The following GSK3B variants were observed in gnomAD, a reference collection of about 807,000 sequenced individuals.
GSK3B encodes the protein glycogen synthase kinase 3 beta.
Under a neutral mutation model 56.4 loss-of-function variants are expected in GSK3B, and 15 were observed. That is an observed-to-expected ratio of 0.27 (90% CI 0.18 to 0.41). The LOEUF (loss-of-function observed/expected upper bound fraction) is 0.41. Among genes scored for constraint, GSK3B ranks in the 10% least tolerant of loss-of-function variants. GSK3B has a pLI of 1.00. For synonymous variants in GSK3B, 181 were observed against 188.9 expected, an observed-to-expected ratio of 0.96 and a Z score of 0.34; for missense variants, 300 against 513.4, an observed-to-expected ratio of 0.58 and a Z score of 4.02.
In GSK3B at chr3:119,916,933, A is replaced by C. The variant is rs527370434; in HGVS notation, c.478-759T>G. 5.9e-5 allele frequency among the ~76,000 whole-genome samples: 9 copies of C among 152,300 alleles called. No homozygotes were observed. The South Asian group carries it at 1.9e-3, about 32-fold the overall frequency. On this transcript the variant is annotated intron_variant, in intron 4 of 10. Coordinates refer to ENST00000264235, the MANE Select transcript of GSK3B (RefSeq NM_001146156.2). ...AAACTGGGTCTGCATGGAGTAAAGA[A>C]TCAGACTCTTGACTGGAGGAGAGAG...
At chr3:120,026,339 C>T (rs2057922920) in intron 1 of GSK3B, among the ~76,000 whole-genome samples, 1 of 152,048 alleles carries the variant, frequency 6.6e-6, no homozygotes, top group East Asian at 1.9e-4. Context: ...GCAAGAGCAG[C>T]GAAACAAAGG....
At chr3:119,973,840 G>A (rs950500029) in intron 2 of GSK3B, among the ~76,000 whole-genome samples, 1 of 152,118 alleles carries the variant, frequency 6.6e-6, no homozygotes, top group African/African-American at 2.4e-5. Flanking sequence ...GCATCCACTG[G>A]GGGTCTTGGA....
chr3:119,948,316 A>C (rs960044818), intron 2 of GSK3B, among the ~76,000 whole-genome samples: 2 of 152,202 alleles, frequency 1.3e-5, no homozygotes, highest in African/African-American at 2.4e-5. Context: ...GTTGGGACCA[A>C]AGAACCAGAT....
intron 2 of GSK3B, among the ~76,000 whole-genome samples, chr3:119,965,038 C>CTTT (rs573903125): frequency 8.0e-6 from 1 of 125,628 alleles, no homozygotes; most frequent in Non-Finnish European, 1.7e-5. Context: ...ATTATGTTTT[C>CTTT]TTTTTTTTTT....
chr3:119,883,461 C>T (rs1265142247), intron 7 of GSK3B, among the ~76,000 whole-genome samples: 2 of 151,982 alleles, frequency 1.3e-5, no homozygotes, highest in Non-Finnish European at 2.9e-5. Context: ...AAAGAGGAAA[C>T]TAGATGAGAG....
chr3:120,059,121 A>T (rs972679348), intron 1 of GSK3B, among the ~76,000 whole-genome samples: 8 of 152,188 alleles, frequency 5.3e-5, no homozygotes, highest in African/African-American at 1.7e-4. Flanking sequence ...TAGCAAATTG[A>T]TATTAAATTA....
At chr3:120,002,937 T>C (rs1176296812) in intron 1 of GSK3B, among the ~76,000 whole-genome samples, 1 of 152,176 alleles carries the variant, frequency 6.6e-6, no homozygotes, top group Non-Finnish European at 1.5e-5. Context: ...TTATTTTACT[T>C]GAAAATAAAA....
intron 3 of GSK3B, among the ~76,000 whole-genome samples, chr3:119,928,604 C>CAAAAAAAAAAAAAAAAAAAAAAAA (rs1430388699): frequency 3.5e-5 from 1 of 28,640 alleles, no homozygotes; most frequent in Non-Finnish European, 7.6e-5. Context: ...GACTCCATAT[C>CAAAAAAAAAAAAAAAAAAAAAAAA]AAAAAAATAA....
chr3:119,933,236 C>T (rs1197474633), intron 3 of GSK3B, among the ~76,000 whole-genome samples: 2 of 152,116 alleles, frequency 1.3e-5, no homozygotes, highest in African/African-American at 4.8e-5. Context: ...ATCTATCAAA[C>T]TAGAAAAGAA....
intron 3 of GSK3B, among the ~76,000 whole-genome samples, chr3:119,931,165 G>A (rs2056941722): frequency 6.6e-6 from 1 of 152,170 alleles, no homozygotes; most frequent in South Asian, 2.1e-4. Context: ...ACATAATTAA[G>A]AAGGCTAAAG....
chr3:119,840,923 G>C (rs2055762723), intron 10 of GSK3B, among the ~76,000 whole-genome samples: 1 of 152,168 alleles, frequency 6.6e-6, no homozygotes, highest in Non-Finnish European at 1.5e-5. Context: ...TAAGCCACCA[G>C]TGTGCTTTCA....
At chr3:120,035,315 T>C (rs1282416457) in intron 1 of GSK3B, among the ~76,000 whole-genome samples, 1 of 152,202 alleles carries the variant, frequency 6.6e-6, no homozygotes, top group Non-Finnish European at 1.5e-5. Flanking sequence ...GATAATTCCC[T>C]AGAGCAGTCA....
chr3:120,079,632 T>C (rs933661416), intron 1 of GSK3B, among the ~76,000 whole-genome samples: 3 of 151,918 alleles, frequency 2.0e-5, no homozygotes, highest in Non-Finnish European at 2.9e-5. Flanking sequence ...TGACCTCAAG[T>C]GATCCACCCA....
intron 1 of GSK3B, among the ~76,000 whole-genome samples, chr3:120,058,178 TACAG>T (rs1313001360): frequency 2.0e-5 from 3 of 152,126 alleles, no homozygotes; most frequent in African/African-American, 4.8e-5. Flanking sequence ...TAACATTATC[TACAG>T]ACAAAGAAAA....
At chr3:119,911,034 T>C (rs933094063) in intron 6 of GSK3B, among the ~76,000 whole-genome samples, 1 of 152,310 alleles carries the variant, frequency 6.6e-6, no homozygotes, top group Non-Finnish European at 1.5e-5. Context: ...AGGTCACCCA[T>C]GAGGCTTGGA....
intron 1 of GSK3B, chr3:120,029,170 C>T (rs1006350130): frequency 5.8e-6 from 4 of 684,498 alleles, no homozygotes; most frequent in Admixed American, 2.2e-5. Flanking sequence ...CATAAGATCA[C>T]AAAAAAGAGA....
intron 1 of GSK3B, among the ~76,000 whole-genome samples, chr3:120,082,864 TTG>T (rs1334658607): frequency 1.3e-5 from 2 of 152,174 alleles, no homozygotes; most frequent in Non-Finnish European, 2.9e-5. Flanking sequence ...TTAATTTCAC[TTG>T]TGTCTATTTT....
intron 1 of GSK3B, among the ~76,000 whole-genome samples, chr3:120,055,639 G>A (rs1330140091): frequency 2.6e-5 from 4 of 152,072 alleles, no homozygotes; most frequent in Non-Finnish European, 5.9e-5. Context: ...CCAAAATAGA[G>A]ATACAACATT....
intron 10 of GSK3B, among the ~76,000 whole-genome samples, chr3:119,840,891 G>C (rs1329123381): frequency 2.6e-5 from 4 of 152,160 alleles, no homozygotes; most frequent in African/African-American, 9.7e-5. Flanking sequence ...TTAAACAGCA[G>C]GGCCAGAAAC....
Sources: gnomAD v4.1 joint callset for allele counts (sites outside exome capture counted in the v4.1 genomes callset) on GRCh38, gnomAD v4.1.1 for gene constraint, MANE v1.5 for transcripts, NCBI Gene and HGNC (gene_info 2026-07-23, HGNC 2026-07-21) for gene names.